Variants in KAZN observed in about 807,000 individuals in gnomAD.
KAZN encodes kazrin.
KAZN carries 40 observed loss-of-function variants against 87.4 expected under a neutral mutation model. The ratio of observed to expected loss-of-function variants is 0.46; its 90% CI spans 0.36 to 0.60. KAZN has a LOEUF of 0.60. Ranked by LOEUF, KAZN falls within the 20% of genes least tolerant of loss-of-function variation. KAZN has a pLI of 0.00. For synonymous variants in KAZN, 466 were observed against 458.3 expected (o/e 1.02, Z -0.22); for missense variants, 898 against 1,073.9 (o/e 0.84, Z 2.29).
intron 2 of KAZN, among the ~76,000 whole-genome samples, chr1:14,263,497 AT>A (rs1651238991): frequency 1.3e-5 from 2 of 152,164 alleles, no homozygotes; most frequent in Admixed American, 6.5e-5. Flanking sequence ...ATTCTCTCTA[AT>A]ATGACTCTGG....
chr1:14,948,676 T>C (rs897519412), intron 1 of KAZN, among the ~76,000 whole-genome samples: 2 of 151,924 alleles, frequency 1.3e-5, no homozygotes, highest in African/African-American at 4.8e-5. Context: ...ATAGAGAAAT[T>C]TGGAAAGAAA....
chr1:14,976,097 G>GCACACTGCACAGCCA (rs1553165841), intron 2 of KAZN, among the ~76,000 whole-genome samples: 2 of 150,296 alleles, frequency 1.3e-5, no homozygotes, highest in Non-Finnish European at 3.0e-5. Flanking sequence ...CGGTGAGCCC[G>GCACACTGCACAGCCA]CACACTGCAC....
intron 2 of KAZN, among the ~76,000 whole-genome samples, chr1:14,274,840 C>CT (rs111665404): frequency 2.8e-4 from 42 of 148,190 alleles, no homozygotes; most frequent in African/African-American, 6.2e-4. Context: ...ATAAATATTT[C>CT]TTTTTTTTTT....
At chr1:14,603,499 A>G (rs1281673866) in intron 1 of KAZN, among the ~76,000 whole-genome samples, 1 of 152,184 alleles carries the variant, frequency 6.6e-6, no homozygotes, top group Admixed American at 6.5e-5. Flanking sequence ...TTACTTATTG[A>G]TTGGGGATTA....
intron 1 of KAZN, among the ~76,000 whole-genome samples, chr1:13,928,530 C>T (rs1195392825): frequency 1.3e-5 from 2 of 152,138 alleles, no homozygotes; most frequent in African/African-American, 2.4e-5. Context: ...TTCTGAATTG[C>T]AAATCAGGAG....
chr1:14,869,095 G>A (rs1300892892), intron 1 of KAZN, among the ~76,000 whole-genome samples: 1 of 152,124 alleles, frequency 6.6e-6, no homozygotes, highest in Non-Finnish European at 1.5e-5. Flanking sequence ...AGTGAGAACC[G>A]CAGACTTGCC....
At chr1:14,148,511 C>T (rs537830598) in intron 1 of KAZN, among the ~76,000 whole-genome samples, 2 of 152,088 alleles carry the variant, frequency 1.3e-5, no homozygotes, top group African/African-American at 4.8e-5. Context: ...TGCTACAGTA[C>T]CCCTTTCTTG....
At chr1:14,958,591 AG>A (rs1663452919) in intron 1 of KAZN, among the ~76,000 whole-genome samples, 1 of 152,210 alleles carries the variant, frequency 6.6e-6, no homozygotes, top group African/African-American at 2.4e-5. Context: ...GAGGCTCAGC[AG>A]GGTGGGACAG....
At chr1:14,823,352 G>A (rs1271991731) in intron 1 of KAZN, among the ~76,000 whole-genome samples, 1 of 152,142 alleles carries the variant, frequency 6.6e-6, no homozygotes, top group Admixed American at 6.5e-5. Context: ...GAAGGAAGTT[G>A]TTGGGAAGCC....
At chr1:14,141,665 C>T (rs570413532) in intron 1 of KAZN, among the ~76,000 whole-genome samples, 81 of 152,020 alleles carry the variant, frequency 5.3e-4, no homozygotes, top group Non-Finnish European at 1.0e-3. Context: ...CCTGTGGGGT[C>T]GGGTACCTGC....
chr1:14,059,582 T>C (rs957635211), intron 1 of KAZN, among the ~76,000 whole-genome samples: 2 of 152,178 alleles, frequency 1.3e-5, no homozygotes, highest in African/African-American at 4.8e-5. Context: ...GACTCAAAAG[T>C]CAATCTCCTC....
chr1:14,461,065 A>T (rs919764653), intron 2 of KAZN, among the ~76,000 whole-genome samples: 1 of 152,092 alleles, frequency 6.6e-6, no homozygotes, highest in Non-Finnish European at 1.5e-5. Flanking sequence ...GGTGGCTATA[A>T]GTTTTGGAGC....
intron 1 of KAZN, among the ~76,000 whole-genome samples, chr1:14,854,465 C>T (rs926468454): frequency 6.6e-6 from 1 of 152,124 alleles, no homozygotes; most frequent in Admixed American, 6.5e-5. Flanking sequence ...AAGGACATGA[C>T]CCTGGCTTCT....
At chr1:14,937,984 C>T (rs1013896756) in intron 1 of KAZN, among the ~76,000 whole-genome samples, 4 of 152,284 alleles carry the variant, frequency 2.6e-5, no homozygotes, top group African/African-American at 7.2e-5. Context: ...GTATTTAGGG[C>T]GTTTTAGCCT....
chr1:14,553,974 C>A (rs757649654), intron 2 of KAZN, among the ~76,000 whole-genome samples: 64 of 152,142 alleles, frequency 4.2e-4, no homozygotes, highest in Admixed American at 2.0e-4. Context: ...CAGCTCCTTG[C>A]GTAAGTGCTG....
chr1:14,074,172 T>C (rs1484311653), intron 1 of KAZN, among the ~76,000 whole-genome samples: 3 of 152,062 alleles, frequency 2.0e-5, no homozygotes, highest in Non-Finnish European at 2.9e-5. Flanking sequence ...ATATGTTCCA[T>C]CCCCCTACCT....
At chr1:14,691,197 A>G (rs923424258) in intron 1 of KAZN, among the ~76,000 whole-genome samples, 1 of 151,592 alleles carries the variant, frequency 6.6e-6, no homozygotes, top group Non-Finnish European at 1.5e-5. Context: ...TCAGGTGGGG[A>G]AAAAAAAATC....
chr1:14,681,641 A>G (rs1473780746), intron 1 of KAZN, among the ~76,000 whole-genome samples: 97 of 9,828 alleles, frequency 9.9e-3, no homozygotes, highest in South Asian at 0.031. Context: ...ATATATATAT[A>G]TATATATATA....
At chr1:14,940,680 T>A (rs1660957086) in intron 1 of KAZN, among the ~76,000 whole-genome samples, 1 of 152,142 alleles carries the variant, frequency 6.6e-6, no homozygotes, top group South Asian at 2.1e-4. Flanking sequence ...TAAGGAAGAA[T>A]GTTCCCCGGG....
Sources: allele counts gnomAD v4.1 joint callset (sites outside exome capture counted in the v4.1 genomes callset), GRCh38; gene constraint gnomAD v4.1.1; transcripts MANE v1.5; gene names NCBI Gene and HGNC (gene_info 2026-07-23, HGNC 2026-07-21).